SUPT3H: variants seen among roughly 807,000 people sequenced by gnomAD.
SUPT3H encodes the protein SPT3 homolog, SAGA and STAGA complex component.
SUPT3H carries 44 observed loss-of-function variants against 44.3 expected under a neutral mutation model. The ratio of observed to expected loss-of-function variants is 0.99; its 90% CI spans 0.78 to 1.28. The LOEUF is 1.28. Ranked by LOEUF, SUPT3H falls within the 50% of genes most tolerant of loss-of-function variation. The pLI is 0.00. For synonymous variants in SUPT3H, 124 were observed against 125.6 expected, an observed-to-expected ratio of 0.99 and a Z score of 0.09; for missense variants, 380 against 387.1, an observed-to-expected ratio of 0.98 and a Z score of 0.15.
chr6:45,265,933 A>G (rs1435429310), intron 2 of SUPT3H, among the ~76,000 whole-genome samples: 1 of 152,076 alleles, frequency 6.6e-6, no homozygotes, highest in African/African-American at 2.4e-5. Context: ...AAAGAAACTC[A>G]TTCATATCTT....
In SUPT3H at chr6:45,246,721, G is replaced by A. The variant is rs540085145; in HGVS notation, c.101+118480C>T. Among the ~76,000 whole-genome samples, 14 of 152,176 alleles carry A rather than the reference G, an allele frequency of 9.2e-5. No individual in the cohort carries two copies. In the East Asian group the frequency reaches 1.9e-3, roughly 21 times the overall value. ...CAAGTAATCAGAAATTGTAAAACAC[G>A]TATCTAAGCAATTCACGGGTCAAGG... On this transcript the variant is annotated intron_variant, in intron 2 of 10. Transcript: ENST00000371459.
chr6:44,811,579 A>C (rs1766527327), intron 11 of SUPT3H, among the ~76,000 whole-genome samples: 1 of 152,252 alleles, frequency 6.6e-6, no homozygotes, highest in African/African-American at 2.4e-5. Context: ...GTGGAAATGA[A>C]GCAGCTATTG....
chr6:44,879,933 A>G (rs1359650674), intron 10 of SUPT3H, among the ~76,000 whole-genome samples: 1 of 152,202 alleles, frequency 6.6e-6, no homozygotes, highest in East Asian at 1.9e-4. Context: ...GGTCACCAAA[A>G]TCAAAGACCA....
intron 2 of SUPT3H, among the ~76,000 whole-genome samples, chr6:45,332,709 T>C (rs1787757382): frequency 6.6e-6 from 1 of 151,754 alleles, no homozygotes; most frequent in Non-Finnish European, 1.5e-5. Context: ...ATTAAAAATA[T>C]ATAAAAACAT....
intron 7 of SUPT3H, among the ~76,000 whole-genome samples, chr6:44,956,503 TA>T (rs869078662): frequency 4.6e-4 from 3 of 6,484 alleles, no homozygotes; most frequent in Non-Finnish European, 9.8e-4. Context: ...AAAATAAAAA[TA>T]AAAAAAAAAA....
chr6:45,305,055 G>A (rs578041056), intron 2 of SUPT3H, among the ~76,000 whole-genome samples: 10 of 152,164 alleles, frequency 6.6e-5, no homozygotes, highest in East Asian at 5.8e-4. Flanking sequence ...TTGCTTATTC[G>A]TTTGCTTTTC....
chr6:45,113,023 G>T (rs866918551), intron 2 of SUPT3H, among the ~76,000 whole-genome samples: 2 of 148,028 alleles, frequency 1.4e-5, no homozygotes, highest in Middle Eastern at 3.5e-3. Flanking sequence ...CCAGGTAATT[G>T]ACATTACTTT....
chr6:44,883,883 A>G (rs1462357473), intron 10 of SUPT3H, among the ~76,000 whole-genome samples: 6 of 152,232 alleles, frequency 3.9e-5, no homozygotes, highest in Non-Finnish European at 7.3e-5. Flanking sequence ...AGATGGATTA[A>G]AACTTAAACA....
chr6:45,201,145 T>C (rs1333619985), intron 2 of SUPT3H, among the ~76,000 whole-genome samples: 1 of 151,676 alleles, frequency 6.6e-6, no homozygotes, highest in Non-Finnish European at 1.5e-5. Context: ...ATATTTAAGC[T>C]TAAGTGAATG....
chr6:45,371,688 T>C (rs1209326394), intron 1 of SUPT3H, among the ~76,000 whole-genome samples: 1 of 152,228 alleles, frequency 6.6e-6, no homozygotes, highest in East Asian at 1.9e-4. Flanking sequence ...TACATGGTCA[T>C]TAAGTTATCT....
chr6:44,994,358 G>A (rs1319464963), intron 6 of SUPT3H, among the ~76,000 whole-genome samples: 1 of 152,144 alleles, frequency 6.6e-6, no homozygotes, highest in Admixed American at 6.6e-5. Flanking sequence ...TTGTGTCTTA[G>A]AGAAAACTTC....
intron 2 of SUPT3H, among the ~76,000 whole-genome samples, chr6:45,134,943 G>C (rs939124218): frequency 1.3e-5 from 2 of 152,156 alleles, no homozygotes; most frequent in Non-Finnish European, 2.9e-5. Context: ...GGGACCTCCA[G>C]GGTGTCCACA....
At chr6:45,106,834 C>T (rs1799355717) in intron 2 of SUPT3H, among the ~76,000 whole-genome samples, 1 of 152,180 alleles carries the variant, frequency 6.6e-6, no homozygotes, top group Non-Finnish European at 1.5e-5. Flanking sequence ...CCACGCCCGC[C>T]TTGTACAGTA....
At chr6:44,817,258 C>T (rs1766978749) in intron 11 of SUPT3H, among the ~76,000 whole-genome samples, 1 of 150,792 alleles carries the variant, frequency 6.6e-6, no homozygotes, top group Non-Finnish European at 1.5e-5. Flanking sequence ...TCATTGTCTT[C>T]AAGGATGAAG....
chr6:45,328,472 C>T, intron 2 of SUPT3H: 1 of 1,485,320 alleles, frequency 6.7e-7, no homozygotes, highest in Non-Finnish European at 9.1e-7. Context: ...TGAGTGCTCT[C>T]TAACCACAGT....
intron 3 of SUPT3H, among the ~76,000 whole-genome samples, chr6:45,049,678 ATT>A (rs1789970664): frequency 6.6e-6 from 1 of 152,182 alleles, no homozygotes; most frequent in African/African-American, 2.4e-5. Flanking sequence ...AAGTAGCTTC[ATT>A]GTTTATAGCT....
At position 45,284,541 on chromosome 6, in the gene SUPT3H, G is replaced by C. The variant is rs9369553; in HGVS notation, c.101+80660C>G. On this transcript the variant is annotated intron_variant, in intron 2 of 10. Transcript: ENST00000371459. ...CACATACACCCTCCCAAGACTAAAC[G>C]AGGAAGAAGTTGAATCTCTGAATAG... Among the ~76,000 whole-genome samples the C allele has an allele frequency of 4.7e-4, 71 of 152,030 alleles. 1 individual carries two copies. In the East Asian group the frequency reaches 0.013, roughly 28 times the overall value.
In SUPT3H at chr6:45,153,078, G is replaced by C. The variant is rs1011528473; in HGVS notation, c.102-47072C>G. Among the ~76,000 whole-genome samples, 6 of 152,112 alleles carry C rather than the reference G, an allele frequency of 3.9e-5. No homozygotes were observed. The South Asian group carries it at 1.2e-3, about 31-fold the overall frequency. The stretch of plus-strand genomic sequence containing the variant: ...GGGCATTCTGGCATAATGGCATTCA[G>C]ATCTTAGCTCAAATATCACCTTTCA... On this transcript the variant is annotated intron_variant, in intron 2 of 10. Transcript: ENST00000371459.
intron 10 of SUPT3H, among the ~76,000 whole-genome samples, chr6:44,833,488 G>A (rs1769247191): frequency 6.6e-6 from 1 of 152,088 alleles, no homozygotes; most frequent in Non-Finnish European, 1.5e-5. Context: ...TGAGAAAGGA[G>A]GGAGAAAACA....
Sources: allele counts gnomAD v4.1 joint callset (sites outside exome capture counted in the v4.1 genomes callset), GRCh38; gene constraint gnomAD v4.1.1; transcripts MANE v1.5; gene names NCBI Gene and HGNC (gene_info 2026-07-23, HGNC 2026-07-21).